Variants in CKAP4 observed in about 807,000 individuals in gnomAD.
CKAP4 encodes the protein cytoskeleton associated protein 4, also known as cytoskeleton-associated protein 4.
CKAP4 carries 20 observed loss-of-function variants against 24.4 expected under a neutral mutation model. The observed-to-expected ratio is 0.82, with a 90% CI of 0.58 to 1.19. The LOEUF (loss-of-function observed/expected upper bound fraction) is 1.19. CKAP4 is among the 50% of genes most tolerant of loss of function. The probability of loss-of-function intolerance (pLI) is 0.00; values close to 1 mark genes in which losing one functional copy is unlikely to be tolerated. For missense variants in CKAP4, 744 were observed against 765.3 expected (o/e 0.97, Z 0.33); for synonymous variants, 378 against 351.7 (o/e 1.07, Z -0.84).
intron 1 of CKAP4, among the ~76,000 whole-genome samples, chr12:106,244,071 TC>T (rs2033988701): frequency 6.6e-6 from 1 of 152,168 alleles, no homozygotes; most frequent in Admixed American, 6.5e-5. Flanking sequence ...CACAACTGGT[TC>T]CTCAATGCAA....
intron 1 of CKAP4, among the ~76,000 whole-genome samples, chr12:106,241,855 A>G (rs1436628681): frequency 6.6e-6 from 1 of 152,122 alleles, no homozygotes; most frequent in Non-Finnish European, 1.5e-5. Flanking sequence ...CTGGGCACGC[A>G]TAGGGCAAGA....
In CKAP4 at chr12:106,247,279, C is replaced by T; in HGVS notation, c.483+90G>A. 1.6e-6 allele frequency: 2 copies of T among 1,239,422 alleles called. No individual in the cohort carries two copies. Among genetic ancestry groups the T allele is most frequent in the Admixed American group, 2.5e-5 (1 of 39,222 alleles). The allele number at this position is 1,239,422 out of a possible 1,614,324, so 76.8% of individuals were successfully genotyped here. A position where few individuals can be genotyped will look rare whatever the true frequency, so the allele number is the denominator to read the frequency against. ...CGCCTCCGGGCCTGGGCAGGCAGCG[C>T]TAGGGGCCGGTCGGGAAGCACGAAG... is the stretch of plus-strand genomic sequence containing the variant. On this transcript the variant is annotated intron_variant, in intron 1 of 1. Coordinates refer to ENST00000378026, the MANE Select transcript of CKAP4 (RefSeq NM_006825.4). The surrounding 1 kb of genome is among the most constrained non-coding windows in gnomAD (Gnocchi z 4.5).
rs2033929902 is a variant in CKAP4 at position 106,238,407 on chromosome 12, T to C, written c.*617A>G. On this transcript the variant is annotated 3_prime_UTR_variant, in exon 2 of 2. Transcript: ENST00000378026. ...GGATGCTTTGCATAGTTACCTCTGATATCACAAGATGCGTCAGGAAGAGAA... is the reference window on the plus strand; with the variant it reads ...GGATGCTTTGCATAGTTACCTCTGACATCACAAGATGCGTCAGGAAGAGAA... 1 of 153,084 alleles carries C rather than the reference T, an allele frequency of 6.5e-6. No homozygotes were observed. The highest frequency in any genetic ancestry group is 1.5e-5 in the Non-Finnish European group (1 of 68,488). 9.5% of individuals were successfully genotyped at this position (153,084 alleles called of 1,614,324 possible). A position where few individuals can be genotyped will look rare whatever the true frequency, so the allele number is the denominator to read the frequency against.
In CKAP4 at chr12:106,239,532, A is replaced by C; in HGVS notation, c.1301T>G (p.Leu434Arg). 1 of 1,610,384 alleles carries C rather than the reference A, an allele frequency of 6.2e-7. No individual in the cohort carries two copies. The highest frequency in any genetic ancestry group is 8.5e-7 in the Non-Finnish European group (1 of 1,178,866). ...CTGGCTCTTGGACAGGAGGGACTCC[A>C]GGCTCTCGGTCTGGCGCGCAGAAGC... ...QVASARQTES[L>R]ESLLSKSQEH... Residue 434 changes from leucine to arginine, a missense_variant, in exon 2 of 2, where the codon CTG (leucine) becomes CGG (arginine). Coordinates refer to ENST00000378026, the MANE Select transcript of CKAP4 (RefSeq NM_006825.4). This position sits in a 1 kb window ranked among gnomAD's most constrained non-coding sequence, Gnocchi z 4.9.
Position 106,247,448 on chromosome 12 carries a change from T to C in CKAP4, c.404A>G (p.Gln135Arg), listed in dbSNP as rs2136538283. 1 of 1,544,928 alleles carries C rather than the reference T, an allele frequency of 6.5e-7. No homozygotes were observed. The highest frequency in any genetic ancestry group is 8.7e-7 in the Non-Finnish European group (1 of 1,147,244). ...WCVHHVLEEVQQVRRSHQDFS... is the reference protein window; with the variant it reads ...WCVHHVLEEVRQVRRSHQDFS... ...GTCCTGGTGGCTGCGCCGGACCTGC[T>C]GGACCTCCTCCAGGACGTGGTGGAC... Residue 135 changes from glutamine (Q) to arginine (R), a missense_variant, in exon 1 of 2, where the codon CAG becomes CGG. Gln to Arg is a conservative substitution (Grantham distance 43, BLOSUM62 1). Coordinates refer to ENST00000378026, the MANE Select transcript of CKAP4 (RefSeq NM_006825.4). The surrounding 1 kb of genome is among the most constrained non-coding windows in gnomAD (Gnocchi z 4.5).
chr12:106,240,027 A>C lies in CKAP4; in HGVS notation c.806T>G (p.Met269Arg), dbSNP rs1245123969. ...TTCCAGGGAGGCAACCTTTGCCTTC[A>C]TGTCATTGATCTCCTTCTGGCTCCT... ...QKRSQKEIND[M>R]KAKVASLEES... The change falls in exon 2 of 2, where the codon ATG becomes AGG. Residue 269 changes from methionine (M) to arginine (R), a missense_variant. Physicochemically the swap from Met to Arg is moderately conservative, Grantham distance 91. This residue lies in a region of CKAP4 where 401 missense variants were observed against 424.5 expected (regional missense o/e 0.94). Coordinates refer to ENST00000378026, the MANE Select transcript of CKAP4 (RefSeq NM_006825.4). The C allele has an allele frequency of 6.2e-7, 1 of 1,614,012 alleles. No individual in the cohort carries two copies. The highest frequency in any genetic ancestry group is 8.5e-7 in the Non-Finnish European group (1 of 1,179,992).
Position 106,239,519 on chromosome 12 carries a change from C to A in CKAP4, c.1314G>T (p.Leu438=). 6.2e-7 allele frequency: 1 copy of A among 1,610,142 alleles called. No individual in the cohort carries two copies. Among genetic ancestry groups the A allele is most frequent in the Non-Finnish European group, 8.5e-7 (1 of 1,179,332 alleles). ...GCTGCTCGTGCTCCTGGCTCTTGGA[C>A]AGGAGGGACTCCAGGCTCTCGGTCT... ...ARQTESLESL[L]SKSQEHEQRL... The change falls in exon 2 of 2, where the codon CTG becomes CTT. Residue 438 remains leucine, a synonymous_variant. Transcript: ENST00000378026. The surrounding 1 kb of genome is among the most constrained non-coding windows in gnomAD (Gnocchi z 4.9).
chr12:106,247,533 C>T lies in CKAP4; in HGVS notation c.319G>A (p.Ala107Thr). The T allele has an allele frequency of 6.6e-7, 1 of 1,505,080 alleles. No homozygotes were observed. The highest frequency in any genetic ancestry group is 8.9e-7 in the Non-Finnish European group (1 of 1,129,654). 93.2% of individuals were successfully genotyped at this position (1,505,080 alleles called of 1,614,324 possible). A position where few individuals can be genotyped will look rare whatever the true frequency, so the allele number is the denominator to read the frequency against. The stretch of plus-strand genomic sequence containing the variant: ...GCGAGGTAGAAGAGAAAGTTGAGCG[C>T]CCTGCCGAGCCTGCGCGAGCAGGAC... ...SASCSRRLGR[A>T]LNFLFYLALV... is the part of the protein sequence containing the mutation. Residue 107 changes from alanine to threonine, a missense_variant, in exon 1 of 2, where the codon GCG becomes ACG. Physicochemically the swap from Ala to Thr is moderately conservative, Grantham distance 58. This residue lies in a region of CKAP4 where 300 missense variants were observed against 264.5 expected (regional missense o/e 1.13). Coordinates refer to ENST00000378026, the MANE Select transcript of CKAP4 (RefSeq NM_006825.4). The surrounding 1 kb of genome is among the most constrained non-coding windows in gnomAD (Gnocchi z 4.5).
rs773194117 is a variant in CKAP4 at position 106,239,855 on chromosome 12, G to A, written c.978C>T (p.Arg326=). The A allele has an allele frequency of 1.7e-5, 28 of 1,614,058 alleles. No homozygotes were observed. The highest frequency in any genetic ancestry group is 1.6e-4 in the Middle Eastern group (1 of 6,062). Residue 326 remains arginine (R), a synonymous_variant, in exon 2 of 2, where the codon CGC becomes CGT. Coordinates refer to ENST00000378026, the MANE Select transcript of CKAP4 (RefSeq NM_006825.4). The surrounding 1 kb of genome is among the most constrained non-coding windows in gnomAD (Gnocchi z 4.9). ...GCTCCTGCTTGAGGCTCACCAGCTC[G>A]CGGACCTCGGTGTAGATGTCAGACT... The part of the protein sequence containing the change: ...TMESDIYTEV[R]ELVSLKQEQQ...
At chr12:106,243,042 C>T (rs1293134661) in intron 1 of CKAP4, among the ~76,000 whole-genome samples, 2 of 152,186 alleles carry the variant, frequency 1.3e-5, no homozygotes, top group African/African-American at 2.4e-5. Flanking sequence ...ATGTGGGATG[C>T]CCACTAAGTG....
At position 106,239,525 on chromosome 12, in the gene CKAP4, G is replaced by A. The variant is rs751356737; in HGVS notation, c.1308C>T (p.Ser436=). The change falls in exon 2 of 2, where the codon TCC becomes TCT. Residue 436 remains serine (S), a synonymous_variant. Transcript: ENST00000378026. The surrounding 1 kb of genome is among the most constrained non-coding windows in gnomAD (Gnocchi z 4.9). ...ASARQTESLE[S]LLSKSQEHEQ... is the part of the protein sequence containing the mutation. ...CGTGCTCCTGGCTCTTGGACAGGAG[G>A]GACTCCAGGCTCTCGGTCTGGCGCG... The A allele has an allele frequency of 2.5e-6, 4 of 1,609,978 alleles. No homozygotes were observed. The highest frequency in any genetic ancestry group is 3.3e-5 in the Admixed American group (2 of 59,946).
chr12:106,241,326 G>A (rs1473470499), intron 1 of CKAP4, among the ~76,000 whole-genome samples: 1 of 146,630 alleles, frequency 6.8e-6, no homozygotes, highest in African/African-American at 2.7e-5. Context: ...TGTCAGCCAG[G>A]GATTCTTTTT....
At chr12:106,245,814 C>G (rs1437428988) in intron 1 of CKAP4, 2 of 152,272 alleles carry the variant, frequency 1.3e-5, no homozygotes, top group African/African-American at 4.8e-5. Flanking sequence ...AGGCTGCTCT[C>G]AAACTTCTGA....
chr12:106,237,959 AC>A lies in CKAP4; in HGVS notation c.*1064del, dbSNP rs2033919670. The A allele has an allele frequency of 2.0e-5, 3 of 146,918 alleles. No individual in the cohort carries two copies. Among genetic ancestry groups the A allele is most frequent in the Admixed American group, 1.4e-4 (2 of 14,808 alleles). 9.1% of individuals were successfully genotyped at this position (146,918 alleles called of 1,614,324 possible). A position where few individuals can be genotyped will look rare whatever the true frequency, so the allele number is the denominator to read the frequency against. On this transcript the variant is annotated 3_prime_UTR_variant, in exon 2 of 2. Coordinates refer to ENST00000378026, the MANE Select transcript of CKAP4 (RefSeq NM_006825.4). ...TACAGTTCATTTCACAGTAAACTAA[AC>A]AAAACTTTTTTTTTTTTTTTTTACT...
chr12:106,247,635 C>T lies in CKAP4; in HGVS notation c.217G>A (p.Gly73Ser), dbSNP rs1460177486. The change falls in exon 1 of 2, where the codon GGC becomes AGC. Residue 73 changes from glycine to serine, a missense_variant. Around this residue, in one of 3 missense-constraint regions of CKAP4, gnomAD observed 300 missense variants for 264.5 expected, o/e 1.13. Coordinates refer to ENST00000378026, the MANE Select transcript of CKAP4 (RefSeq NM_006825.4). The surrounding 1 kb of genome is among the most constrained non-coding windows in gnomAD (Gnocchi z 4.5). Reference protein sequence around the residue: ...AHGKGGHRGGGGGGGKSSSSS... With the variant: ...AHGKGGHRGGSGGGGKSSSSS... ...GAGGAGGACTTGCCGCCGCCGCCGCCGCCGCCGCGGTGGCCGCCCTTGCCG... is the reference window on the plus strand; with the variant it reads ...GAGGAGGACTTGCCGCCGCCGCCGCTGCCGCCGCGGTGGCCGCCCTTGCCG... 2 of 1,050,758 alleles carry T rather than the reference C, an allele frequency of 1.9e-6. No homozygotes were observed. The highest frequency in any genetic ancestry group is 1.2e-6 in the Non-Finnish European group (1 of 831,094). 65.1% of individuals were successfully genotyped at this position (1,050,758 alleles called of 1,614,324 possible).
At chr12:106,241,087 C>CA (rs1398164891) in intron 1 of CKAP4, among the ~76,000 whole-genome samples, 2 of 151,908 alleles carry the variant, frequency 1.3e-5, no homozygotes, top group Non-Finnish European at 2.9e-5. Context: ...TCTAAAACAA[C>CA]AAAAAAATTA....
chr12:106,240,668 CAAAAAAAAAA>C (rs34175879), intron 1 of CKAP4, among the ~76,000 whole-genome samples: 1 of 86,488 alleles, frequency 1.2e-5, no homozygotes, highest in East Asian at 3.2e-4. Flanking sequence ...TGCTTTGTTG[CAAAAAAAAAA>C]AAAAGAAAAA....
chr12:106,241,939 GAA>G (rs1160151248), intron 1 of CKAP4, among the ~76,000 whole-genome samples: 1 of 151,162 alleles, frequency 6.6e-6, no homozygotes, highest in Non-Finnish European at 1.5e-5. Flanking sequence ...CCGATGGAAT[GAA>G]AAAAGAATGG....
In CKAP4 at chr12:106,247,894, C is replaced by G. The variant is rs2034032575; in HGVS notation, c.-43G>C. Reference sequence around the variant, plus strand: ...CTCGGGCCGCGGGCTGGGAGGCGAGCGAGCGCGGCGCGCGGCCCGGGAAAC... The same window carrying G: ...CTCGGGCCGCGGGCTGGGAGGCGAGGGAGCGCGGCGCGCGGCCCGGGAAAC... On this transcript the variant is annotated 5_prime_UTR_variant, in exon 1 of 2. Transcript: ENST00000378026. This position sits in a 1 kb window ranked among gnomAD's most constrained non-coding sequence, Gnocchi z 4.5. The G allele has an allele frequency of 9.9e-7, 1 of 1,009,784 alleles. No individual in the cohort carries two copies. The highest frequency in any genetic ancestry group is 9.4e-5 in the East Asian group (1 of 10,690). The allele number at this position is 1,009,784 out of a possible 1,614,324, so 62.6% of individuals were successfully genotyped here. A position where few individuals can be genotyped will look rare whatever the true frequency, so the allele number is the denominator to read the frequency against.
Sources: allele counts gnomAD v4.1 joint callset (sites outside exome capture counted in the v4.1 genomes callset), GRCh38; gene constraint gnomAD v4.1.1; regional missense constraint gnomAD v4.1.1; non-coding constraint Gnocchi (gnomAD v3.1); transcripts MANE v1.5; gene names NCBI Gene and HGNC (gene_info 2026-07-23, HGNC 2026-07-21).